Variants in DGKH observed in about 807,000 individuals in gnomAD.
DGKH encodes the protein DAG kinase eta.
Under a neutral mutation model 159.3 loss-of-function variants are expected in DGKH, and 90 were observed. That is an observed-to-expected ratio of 0.57 (90% CI 0.48 to 0.67). The LOEUF (loss-of-function observed/expected upper bound fraction) is 0.67. Among genes scored for constraint, DGKH ranks in the 30% least tolerant of loss-of-function variants. The pLI, the probability that DGKH is intolerant of heterozygous loss-of-function variation, is 0.00. For missense variants in DGKH, 1,181 were observed against 1,506.1 expected (o/e 0.78, Z 3.57); for synonymous variants, 536 against 553.8 (o/e 0.97, Z 0.45).
chr13:42,221,226 T>C, intron 28 of DGKH, 38 bp from the exon 29 acceptor site: 2 of 1,610,826 alleles, frequency 1.2e-6, no homozygotes, highest in South Asian at 1.1e-5. Context: ...GCATTGAGCA[T>C]GTAGAAATTA....
chr13:42,072,967 T>C (rs1883068475), intron 1 of DGKH, among the ~76,000 whole-genome samples: 1 of 152,212 alleles, frequency 6.6e-6, no homozygotes, highest in Non-Finnish European at 1.5e-5. Flanking sequence ...TCTTCTAATA[T>C]TAGAATATAA....
At chr13:42,047,961 A>G (rs1880913895), upstream of DGKH, among the ~76,000 whole-genome samples, 1 of 147,664 alleles carries the variant, frequency 6.8e-6, no homozygotes, top group Non-Finnish European at 1.5e-5. Flanking sequence ...CTGAACGAAA[A>G]GTTCTCAGAG....
At chr13:42,100,075 G>A (rs190524218) in intron 1 of DGKH, among the ~76,000 whole-genome samples, 1 of 152,166 alleles carries the variant, frequency 6.6e-6, no homozygotes, top group Non-Finnish European at 1.5e-5. Context: ...GGAGGTGAGT[G>A]GGGGGCAAGT....
At chr13:42,208,251 G>A (rs1957554854) in intron 21 of DGKH, among the ~76,000 whole-genome samples, 1 of 152,098 alleles carries the variant, frequency 6.6e-6, no homozygotes, top group Non-Finnish European at 1.5e-5. Context: ...ACTGAAAATT[G>A]TTTCAGATGC....
Position 42,209,399 on chromosome 13 carries a change from G to A in DGKH, c.2784G>A (p.Trp928Ter). The A allele has an allele frequency of 6.2e-7, 1 of 1,613,602 alleles. No individual in the cohort carries two copies. Among genetic ancestry groups the A allele is most frequent in the South Asian group, 1.1e-5 (1 of 91,042 alleles). The change falls in exon 23 of 30, where the codon TGG (tryptophan) becomes TGA (stop). Residue 928 changes from tryptophan (W) to a stop codon, truncating the protein, a stop_gained. Transcript: ENST00000337343. LOFTEE classifies it high-confidence loss of function. ...CAGTGCAAGTGGATGGTGAAGCGTG[G>A]GTTCAGCCTCCAGGGATTATCAAAA... ...GVPVQVDGEA[W>*]VQPPGIIKIV...
intron 12 of DGKH, among the ~76,000 whole-genome samples, chr13:42,174,683 C>T (rs1956555531): frequency 6.6e-6 from 1 of 152,278 alleles, no homozygotes; most frequent in South Asian, 2.1e-4. Context: ...TGTCTTACTG[C>T]TTGCTTTGCG....
chr13:42,151,572 T>C (rs1243910827), intron 3 of DGKH, among the ~76,000 whole-genome samples: 1 of 64,372 alleles, frequency 1.6e-5, no homozygotes, highest in African/African-American at 6.6e-5. Context: ...GTTTCACTTA[T>C]ATGTATACAC....
rs373265179 is a variant in DGKH at position 42,248,188 on chromosome 13, C to T, written n.4055-4221C>T. On this transcript the variant is annotated intron_variant and non_coding_transcript_variant, in intron 29 of 30. Coordinates refer to the DGKH transcript ENST00000498255. ...TGTAATCCCAGCACTTTGGGAGGCC[C>T]AGGCAGGCCTATCATTTGAGGCCAG... is the stretch of plus-strand genomic sequence containing the variant. Among the ~76,000 whole-genome samples the T allele has an allele frequency of 2.6e-5, 4 of 151,966 alleles. No individual in the cohort carries two copies. The East Asian group carries it at 7.7e-4, about 29-fold the overall frequency.
In DGKH at chr13:42,130,995, C is replaced by T. The variant is rs1047803982; in HGVS notation, c.384+1363C>T. On this transcript the variant is annotated intron_variant, in intron 3 of 29. Transcript: ENST00000337343. ...GAGTTTCAAGACAGATGCTTTGACA[C>T]GTCCTATACTGTAGAGAGGTCAAGT... 3.4e-4 allele frequency among the ~76,000 whole-genome samples: 51 copies of T among 151,790 alleles called. No homozygotes were observed. The South Asian group carries it at 3.5e-3, about 11-fold the overall frequency.
chr13:42,205,906 C>T (rs1046161499), intron 20 of DGKH, 133 bp from the exon 21 acceptor site: 4 of 430,586 alleles, frequency 9.3e-6, no homozygotes, highest in Non-Finnish European at 1.6e-5. Flanking sequence ...GATTTGGTAA[C>T]GTGTAGAGAG....
intron 1 of DGKH, among the ~76,000 whole-genome samples, chr13:42,063,360 G>GA (rs1324168968): frequency 6.6e-6 from 1 of 152,104 alleles, no homozygotes; most frequent in East Asian, 1.9e-4. Context: ...TGAGTAGCAG[G>GA]AAAAAAAGTC....
chr13:42,184,416 T>C (rs976109615), intron 13 of DGKH, among the ~76,000 whole-genome samples: 2 of 152,092 alleles, frequency 1.3e-5, no homozygotes, highest in African/African-American at 4.8e-5. Context: ...GTCTAACATA[T>C]GTAATATAGT....
chr13:42,113,290 T>TATATATGCAA (rs1954902124), intron 1 of DGKH, among the ~76,000 whole-genome samples: 1 of 152,186 alleles, frequency 6.6e-6, no homozygotes, highest in Admixed American at 6.5e-5. Flanking sequence ...TGCAAATTAT[T>TATATATGCAA]ATATGTACAA....
At position 42,191,178 on chromosome 13, in the gene DGKH, C is replaced by T. The variant is rs76959962; in HGVS notation, c.2035+653C>T. Among the ~76,000 whole-genome samples, 403 of 152,010 alleles carry T rather than the reference C, an allele frequency of 2.7e-3. 6 individuals are homozygous for T. In the South Asian group the frequency reaches 0.034, roughly 13 times the overall value. On this transcript the variant is annotated intron_variant, in intron 16 of 29. Transcript: ENST00000337343. The stretch of plus-strand genomic sequence containing the variant: ...TTATACTTTTAATATTGTATATTGC[C>T]TAAGGGAAAAGTTTCTAACGTACTG...
chr13:42,092,845 A>T (rs553035370), intron 1 of DGKH, among the ~76,000 whole-genome samples: 16 of 152,356 alleles, frequency 1.1e-4, no homozygotes, highest in African/African-American at 3.6e-4. Flanking sequence ...AGTATCAAAA[A>T]CAGCATGTGT....
At chr13:42,248,036 T>C (rs1958594353) in intron 29 of DGKH, among the ~76,000 whole-genome samples, 2 of 152,158 alleles carry the variant, frequency 1.3e-5, no homozygotes, top group South Asian at 4.1e-4. Context: ...AAGTCTACAG[T>C]AGTGCAAAGT....
At position 42,208,957 on chromosome 13, in the gene DGKH, A is replaced by G; in HGVS notation, c.2602-2A>G. 1.2e-6 allele frequency: 2 copies of G among 1,602,080 alleles called. No individual in the cohort carries two copies. Among genetic ancestry groups the G allele is most frequent in the Non-Finnish European group, 8.5e-7 (1 of 1,174,236 alleles). On this transcript the variant is annotated splice_acceptor_variant, in intron 21 of 29. Transcript: ENST00000337343. LOFTEE classifies it high-confidence loss of function. The stretch of plus-strand genomic sequence containing the variant: ...AGAAGTGTAATGTAGTTTTTCTTTC[A>G]GATATTTGCTGCACCATCCTTTGAT...
At position 42,231,846 on chromosome 13, in the gene DGKH, T is replaced by C. The variant is rs150396792; in HGVS notation, c.*2658T>C. On this transcript the variant is annotated 3_prime_UTR_variant, in exon 30 of 30. Coordinates refer to ENST00000337343, the MANE Select transcript of DGKH (RefSeq NM_178009.5). ...TAGCTCGGTTGGTAGAGCGTGAGTC[T>C]CTTAATGGAATCCTTAATTAGCTAG... is the stretch of plus-strand genomic sequence containing the variant. The C allele has an allele frequency of 5.3e-5, 8 of 152,322 alleles. No homozygotes were observed. The East Asian group carries it at 1.5e-3, about 29-fold the overall frequency. The allele number at this position is 152,322 out of a possible 1,614,324, so 9.4% of individuals were successfully genotyped here. A position where few individuals can be genotyped will look rare whatever the true frequency, so the allele number is the denominator to read the frequency against.
rs921440421 is a variant in DGKH, at chr13:42,181,695, C to T, written c.1538+3475C>T. The T allele has an allele frequency of 1.7e-4, 81 of 477,170 alleles. No individual in the cohort carries two copies. In the Middle Eastern group the frequency reaches 2.1e-3, roughly 12 times the overall value. 29.6% of individuals were successfully genotyped at this position (477,170 alleles called of 1,614,324 possible). The stretch of plus-strand genomic sequence containing the variant: ...GCCACCCCATTCCCATGATAGTTGA[C>T]CCAGTATATGCCCCACAGCAGGGCC... On this transcript the variant is annotated intron_variant, in intron 13 of 29. Coordinates refer to ENST00000337343, the MANE Select transcript of DGKH (RefSeq NM_178009.5).
Sources: allele counts gnomAD v4.1 joint callset (sites outside exome capture counted in the v4.1 genomes callset), GRCh38; gene constraint gnomAD v4.1.1; transcripts MANE v1.5; gene names NCBI Gene and HGNC (gene_info 2026-07-23, HGNC 2026-07-21).